ESPL1: variants seen among roughly 807,000 people sequenced by gnomAD.
ESPL1 encodes the protein extra spindle pole bodies like 1, separase, also known as separin.
Under a neutral mutation model 217.2 loss-of-function variants are expected in ESPL1, and 50 were observed. That is an observed-to-expected ratio of 0.23 (90% CI 0.18 to 0.29). The LOEUF is 0.29. Among genes scored for constraint, ESPL1 ranks in the 10% least tolerant of loss-of-function variants. The pLI is 1.00. For synonymous variants in ESPL1, 994 were observed against 1,081.3 expected (o/e 0.92, Z 1.58); for missense variants, 1,834 against 2,603.0 (o/e 0.70, Z 6.43).
chr12:53,272,996 T>TC, intron 6 of ESPL1, 139 bp downstream of exon 6: 1 of 786,336 alleles, frequency 1.3e-6, no homozygotes. Context: ...GAGCAGTGTT[T>TC]CCCAAACCTC....
Position 53,269,743 on chromosome 12 carries a change from C to T in ESPL1, c.801C>T (p.His267=). The T allele has an allele frequency of 6.2e-7, 1 of 1,614,212 alleles. No homozygotes were observed. ...EHCRRFCWSR[H]HDKAISAVEK... Reference sequence around the variant, plus strand: ...GCCGTCGCTTTTGCTGGAGCCGCCACCATGACAAAGCCATCAGCGCAGTGG... The same window carrying T: ...GCCGTCGCTTTTGCTGGAGCCGCCATCATGACAAAGCCATCAGCGCAGTGG... Residue 267 remains histidine, a synonymous_variant, in exon 3 of 31, where the codon CAC becomes CAT. Coordinates refer to ENST00000257934, the MANE Select transcript of ESPL1 (RefSeq NM_012291.5). The surrounding 1 kb of genome is among the most constrained non-coding windows in gnomAD (Gnocchi z 6.7).
At position 53,277,419 on chromosome 12, in the gene ESPL1, G is replaced by A. The variant is rs1053114490; in HGVS notation, c.2086-51G>A. The A allele has an allele frequency of 9.4e-6, 15 of 1,588,682 alleles. No individual in the cohort carries two copies. In the East Asian group the frequency reaches 1.1e-4, roughly 12 times the overall value. ...CCTCAGCCTGCCGAGTAGCCAGGAC[G>A]ATAGGCCCACACCACTGTGCCCTGT... is the stretch of plus-strand genomic sequence containing the variant. On this transcript the variant is annotated intron_variant, in intron 9 of 30. Coordinates refer to ENST00000257934, the MANE Select transcript of ESPL1 (RefSeq NM_012291.5).
rs902646268 is a variant in ESPL1 at position 53,288,077 on chromosome 12, G to A, written c.4282G>A (p.Ala1428Thr). Residue 1428 changes from alanine (A) to threonine (T), a missense_variant, in exon 19 of 31, where the codon GCA becomes ACA. Coordinates refer to ENST00000257934, the MANE Select transcript of ESPL1 (RefSeq NM_012291.5). ...CACTGCTTCCCGGGGCCGGGGGCGA[G>A]CAAGGAAGGGCCTGAGCCTAAAGAC... ...RGTASRGRGR[A>T]RKGLSLKTDA... 7 of 1,613,652 alleles carry A rather than the reference G, an allele frequency of 4.3e-6. No homozygotes were observed. The African/African-American group carries it at 6.7e-5, about 15-fold the overall frequency.
chr12:53,272,611 C>G, intron 5 of ESPL1, 110 bp from the exon 6 acceptor site: 1 of 1,286,304 alleles, frequency 7.8e-7, no homozygotes, highest in Non-Finnish European at 1.1e-6. Context: ...CCTGTCTGAT[C>G]TGGAAGCTGC....
Position 53,272,840 on chromosome 12 carries a change from G to A in ESPL1, c.1489G>A (p.Glu497Lys), listed in dbSNP as rs201452936. ...LGLVKPGTYP[E>K]VPPEKLHRCF... ...TTTGGTGAAGCCAGGCACTTATCCC[G>A]AGGTGCCTCCTGAGAAGGTACAAGG... is the stretch of plus-strand genomic sequence containing the variant. The change falls in exon 6 of 31, where the codon GAG (glutamate) becomes AAG (lysine). Residue 497 changes from glutamate (E) to lysine (K), a missense_variant. Around this residue, in one of 5 missense-constraint regions of ESPL1, gnomAD observed 746 missense variants for 1,077.0 expected, o/e 0.69. Transcript: ENST00000257934. 68 of 1,613,806 alleles carry A rather than the reference G, an allele frequency of 4.2e-5. No individual in the cohort carries two copies. The highest frequency in any genetic ancestry group is 1.7e-4 in the Middle Eastern group (1 of 5,988).
Position 53,293,201 on chromosome 12 carries a change from C to A in ESPL1, c.6162-72C>A. The A allele has an allele frequency of 7.5e-7, 1 of 1,325,226 alleles. No individual in the cohort carries two copies. Among genetic ancestry groups the A allele is most frequent in the Non-Finnish European group, 1.1e-6 (1 of 920,890 alleles). The allele number at this position is 1,325,226 out of a possible 1,614,324, so 82.1% of individuals were successfully genotyped here. A position where few individuals can be genotyped will look rare whatever the true frequency, so the allele number is the denominator to read the frequency against. On this transcript the variant is annotated intron_variant, in intron 30 of 30. Transcript: ENST00000257934. This position sits in a 1 kb window ranked among gnomAD's most constrained non-coding sequence, Gnocchi z 4.2. ...AATCCTCTCCACTCACCCACCCCCA[C>A]CACCAATGGTGTTTTCCTATGTATT...
In ESPL1 at chr12:53,272,639, C is replaced by G. The variant is rs368653597; in HGVS notation, c.1370-82C>G. The stretch of plus-strand genomic sequence containing the variant: ...GAAGCTGCTGAACTGACCACAGATC[C>G]AGCTGATCTCTGCTGCCTCTCCAGG... On this transcript the variant is annotated intron_variant, in intron 5 of 30. Transcript: ENST00000257934. 1,353 of 1,504,540 alleles carry G rather than the reference C, an allele frequency of 9.0e-4. 24 individuals are homozygous for G. The East Asian group carries it at 0.02, about 23-fold the overall frequency. 93.2% of individuals were successfully genotyped at this position (1,504,540 alleles called of 1,614,324 possible). A position where few individuals can be genotyped will look rare whatever the true frequency, so the allele number is the denominator to read the frequency against.
In ESPL1 at chr12:53,288,413, G is replaced by A; in HGVS notation, c.4546+72G>A. ...TTCTGGGGCAAAGCACAAGCAGTAA[G>A]TGCTGCCAAGGAAGTACAGGAAGAA... On this transcript the variant is annotated intron_variant, in intron 19 of 30. Coordinates refer to ENST00000257934, the MANE Select transcript of ESPL1 (RefSeq NM_012291.5). 3.3e-6 allele frequency: 5 copies of A among 1,532,302 alleles called. No individual in the cohort carries two copies. The South Asian group carries it at 3.8e-5, about 12-fold the overall frequency. 94.9% of individuals were successfully genotyped at this position (1,532,302 alleles called of 1,614,324 possible). A position where few individuals can be genotyped will look rare whatever the true frequency, so the allele number is the denominator to read the frequency against.
In ESPL1 at chr12:53,269,288, G is replaced by A; in HGVS notation, c.346G>A (p.Ala116Thr). Reference protein sequence around the residue: ...RNAAAQGSPEATLRLAQPLHA... With the variant: ...RNAAAQGSPETTLRLAQPLHA... Reference sequence around the variant, plus strand: ...TGCTGCTGCACAAGGAAGCCCAGAGGCCACACTCCGCCTTGCTCAGCCCCT... The same window carrying A: ...TGCTGCTGCACAAGGAAGCCCAGAGACCACACTCCGCCTTGCTCAGCCCCT... The change falls in exon 3 of 31, where the codon GCC (alanine) becomes ACC (threonine). Residue 116 changes from alanine (A) to threonine (T), a missense_variant. Physicochemically the swap from Ala to Thr is moderately conservative, Grantham distance 58. This residue lies in a region of ESPL1 where 746 missense variants were observed against 1,077.0 expected (regional missense o/e 0.69). Transcript: ENST00000257934. This position sits in a 1 kb window ranked among gnomAD's most constrained non-coding sequence, Gnocchi z 6.7. The A allele has an allele frequency of 6.2e-7, 1 of 1,614,178 alleles. No individual in the cohort carries two copies. The highest frequency in any genetic ancestry group is 8.5e-7 in the Non-Finnish European group (1 of 1,180,040).
chr12:53,279,899 CA>C, intron 12 of ESPL1, 33 bp downstream of exon 12: 1 of 1,521,462 alleles, frequency 6.6e-7, no homozygotes, highest in Non-Finnish European at 8.8e-7. Context: ...CTGGGGACTG[CA>C]GGGGGCCCGT....
At chr12:53,270,286 C>A (rs1343333998) in intron 3 of ESPL1, 92 bp from the exon 4 acceptor site, 1 of 1,036,356 alleles carries the variant, frequency 9.6e-7, no homozygotes, top group Non-Finnish European at 1.5e-6. Flanking sequence ...GCTCCCTGGG[C>A]TCTGTCAGCT....
Position 53,284,126 on chromosome 12 carries a change from C to A in ESPL1, c.3146C>A (p.Ser1049Ter). Residue 1049 changes from serine to a stop codon, truncating the protein, a stop_gained, in exon 17 of 31, where the codon TCG becomes TAG. Transcript: ENST00000257934. LOFTEE classifies it high-confidence loss of function. The part of the protein sequence containing the change: ...LARNDIDLCQ[S>*]DLQQVLFLLE... ...CGCAATGACATTGATCTCTGTCAGT[C>A]GGACCTGCAGCAGGTTCTGTTCTTG... The A allele has an allele frequency of 6.2e-7, 1 of 1,613,938 alleles. No homozygotes were observed. The highest frequency in any genetic ancestry group is 1.1e-5 in the South Asian group (1 of 91,024).
chr12:53,278,630 C>T (rs868064697), intron 11 of ESPL1, among the ~76,000 whole-genome samples: 14 of 150,178 alleles, frequency 9.3e-5, no homozygotes, highest in Non-Finnish European at 1.9e-4. Context: ...CTCACTCTGT[C>T]GCCCAGGCTG....
chr12:53,292,042 G>A lies in ESPL1; in HGVS notation c.5750G>A (p.Arg1917Gln), dbSNP rs1944069555. 6.2e-7 allele frequency: 1 copy of A among 1,614,066 alleles called. No individual in the cohort carries two copies. Among genetic ancestry groups the A allele is most frequent in the Non-Finnish European group, 8.5e-7 (1 of 1,180,016 alleles). ...AGCCTCCAAGCACTGCCTGTCACCC[G>A]GCTGCCCTCCTTCCGCTTCCTACTC... is the stretch of plus-strand genomic sequence containing the variant. ...MPSLQALPVT[R>Q]LPSFRFLLSY... The change falls in exon 27 of 31, where the codon CGG (arginine) becomes CAG (glutamine). Residue 1917 changes from arginine (R) to glutamine (Q), a missense_variant. Physicochemically the swap from Arg to Gln is conservative, Grantham distance 43. Around this residue, in one of 5 missense-constraint regions of ESPL1, gnomAD observed 295 missense variants for 519.8 expected, o/e 0.57. Coordinates refer to ENST00000257934, the MANE Select transcript of ESPL1 (RefSeq NM_012291.5). This position sits in a 1 kb window ranked among gnomAD's most constrained non-coding sequence, Gnocchi z 4.5.
At chr12:53,268,505 C>T in intron 1 of ESPL1, 128 bp downstream of exon 1, 1 of 475,198 alleles carries the variant, frequency 2.1e-6, no homozygotes, top group South Asian at 2.3e-5. Flanking sequence ...TGCCCCGGGC[C>T]GCTGAAGGGC....
Position 53,281,553 on chromosome 12 carries a change from C to T in ESPL1, c.2546C>T (p.Thr849Ile). Residue 849 changes from threonine (T) to isoleucine (I), a missense_variant, in exon 13 of 31, where the codon ACT (threonine) becomes ATT (isoleucine). By Grantham distance (89) the Thr-to-Ile change is moderately conservative. Coordinates refer to ENST00000257934, the MANE Select transcript of ESPL1 (RefSeq NM_012291.5). ...AASSLKHLDQ[T>I]TDTYLLLSLT... The stretch of plus-strand genomic sequence containing the variant: ...TCGAGCCTGAAGCATCTCGATCAGA[C>T]TACTGACACATACCTGCTCCTTTCC... 6.2e-7 allele frequency: 1 copy of T among 1,613,860 alleles called. No individual in the cohort carries two copies.
Position 53,270,394 on chromosome 12 carries a change from C to T in ESPL1, c.1160C>T (p.Ser387Phe), listed in dbSNP as rs746899893. 12 of 1,613,352 alleles carry T rather than the reference C, an allele frequency of 7.4e-6. No individual in the cohort carries two copies. In the South Asian group the frequency reaches 1.3e-4, roughly 18 times the overall value. ...LRDDGVYGGS[S>F]KQQQSFLQMY... Reference sequence around the variant, plus strand: ...CTTCCTCAGGTGTATGGGGGCTCCTCCAAGCAACAGCAGTCTTTTCTTCAG... The same window carrying T: ...CTTCCTCAGGTGTATGGGGGCTCCTTCAAGCAACAGCAGTCTTTTCTTCAG... The change falls in exon 4 of 31, where the codon TCC becomes TTC. Residue 387 changes from serine to phenylalanine, a missense_variant. Physicochemically the swap from Ser to Phe is radical, Grantham distance 155 (BLOSUM62 -2). Around this residue, in one of 5 missense-constraint regions of ESPL1, gnomAD observed 746 missense variants for 1,077.0 expected, o/e 0.69. Transcript: ENST00000257934.
rs1565761313 is a variant in ESPL1 at position 53,286,342 on chromosome 12, C to T, written c.3606C>T (p.Leu1202=). The T allele has an allele frequency of 6.2e-7, 1 of 1,614,220 alleles. No homozygotes were observed. Among genetic ancestry groups the T allele is most frequent in the Admixed American group, 1.7e-5 (1 of 60,032 alleles). ...CCGCTGAGCGCCTCACCCAAGCTCT[C>T]CAAGCTTCCCTGAATCATAAAACAC... ...PEAAERLTQA[L]QASLNHKTPP... The change falls in exon 18 of 31, where the codon CTC becomes CTT. Residue 1202 remains leucine, a synonymous_variant. Transcript: ENST00000257934. The surrounding 1 kb of genome is among the most constrained non-coding windows in gnomAD (Gnocchi z 5.3).
intron 7 of ESPL1, among the ~76,000 whole-genome samples, chr12:53,276,203 C>A (rs1360399817): frequency 5.3e-5 from 8 of 151,718 alleles, no homozygotes; most frequent in Non-Finnish European, 8.8e-5. Flanking sequence ...GTGAGACTGT[C>A]TAAAAAAAAA....
Sources: allele counts gnomAD v4.1 joint callset (sites outside exome capture counted in the v4.1 genomes callset), GRCh38; gene constraint gnomAD v4.1.1; regional missense constraint gnomAD v4.1.1; non-coding constraint Gnocchi (gnomAD v3.1); transcripts MANE v1.5; gene names NCBI Gene and HGNC (gene_info 2026-07-23, HGNC 2026-07-21).